Variants in KCNIP4 observed in about 807,000 individuals in gnomAD.
KCNIP4 encodes the protein potassium voltage-gated channel interacting protein 4.
KCNIP4 carries 12 observed loss-of-function variants against 34.0 expected under a neutral mutation model. That is an observed-to-expected ratio of 0.35 (90% CI 0.23 to 0.57). KCNIP4 has a LOEUF of 0.57. Among genes scored for constraint, KCNIP4 ranks in the 20% least tolerant of loss-of-function variants. KCNIP4 has a pLI of 0.83. For synonymous variants in KCNIP4, 124 were observed against 102.2 expected (o/e 1.21, Z -1.29); for missense variants, 238 against 311.7 (o/e 0.76, Z 1.78).
Position 20,916,940 on chromosome 4 carries a change from A to AT in KCNIP4, c.62-34232dup, listed in dbSNP as rs1403348562. 5.9e-5 allele frequency among the ~76,000 whole-genome samples: 7 copies of AT among 119,432 alleles called. 1 individual carries two copies. Among genetic ancestry groups the AT allele is most frequent in the Admixed American group, 9.1e-5 (1 of 11,044 alleles). The allele number at this position is 119,432 out of a possible 152,430, so 78.4% of individuals were successfully genotyped here. A position where few individuals can be genotyped will look rare whatever the true frequency, so the allele number is the denominator to read the frequency against. On this transcript the variant is annotated intron_variant, in intron 1 of 8. Coordinates refer to ENST00000382152, the MANE Select transcript of KCNIP4 (RefSeq NM_025221.6). ...CCTCCCCTCCTGTCCTTTCCCTTTC[A>AT]TATTTTTTCCTTTTTTGGTTCTTCC...
intron 1 of KCNIP4, among the ~76,000 whole-genome samples, chr4:21,750,090 C>G (rs1238374659): frequency 6.6e-6 from 1 of 152,156 alleles, no homozygotes; most frequent in Non-Finnish European, 1.5e-5. Context: ...GCCCATCCTC[C>G]TCCCTCTCTC....
chr4:21,272,014 G>A (rs1338248414), intron 1 of KCNIP4, among the ~76,000 whole-genome samples: 1 of 152,110 alleles, frequency 6.6e-6, no homozygotes, highest in Non-Finnish European at 1.5e-5. Context: ...TGTGAAATAT[G>A]AAGAATGCCT....
intron 1 of KCNIP4, among the ~76,000 whole-genome samples, chr4:21,585,172 A>T (rs73252279): frequency 0.065 from 9,906 of 152,096 alleles, 472 homozygotes; most frequent in African/African-American, 0.13. Flanking sequence ...TGTAACTGAC[A>T]TTTCTCATGA....
At chr4:21,655,022 T>C (rs1747813386) in intron 1 of KCNIP4, among the ~76,000 whole-genome samples, 1 of 152,126 alleles carries the variant, frequency 6.6e-6, no homozygotes, top group African/African-American at 2.4e-5. Flanking sequence ...ATACTCTGCA[T>C]ACTTAAGGGT....
chr4:21,000,412 C>T (rs768586692), intron 1 of KCNIP4, among the ~76,000 whole-genome samples: 36 of 151,782 alleles, frequency 2.4e-4, no homozygotes, highest in South Asian at 6.2e-4. Context: ...AAAAAAGACA[C>T]GGTGGCTCAC....
intron 3 of KCNIP4, among the ~76,000 whole-genome samples, chr4:20,779,139 G>A (rs1034694586): frequency 1.3e-5 from 2 of 152,080 alleles, no homozygotes; most frequent in African/African-American, 4.8e-5. Context: ...TACCAAACAG[G>A]TGCCAGCTAT....
intron 8 of KCNIP4, among the ~76,000 whole-genome samples, chr4:20,730,854 G>C (rs1351889837): frequency 2.0e-5 from 3 of 152,106 alleles, no homozygotes; most frequent in Non-Finnish European, 4.4e-5. Flanking sequence ...TATGGTAGTG[G>C]TAAATGGTGG....
chr4:21,244,621 T>C (rs546737137), intron 1 of KCNIP4, among the ~76,000 whole-genome samples: 91 of 152,354 alleles, frequency 6.0e-4, no homozygotes, highest in African/African-American at 2.1e-3. Flanking sequence ...AGCTGAGACA[T>C]AGAATATTAA....
chr4:21,555,397 T>A (rs1738928869), intron 1 of KCNIP4, among the ~76,000 whole-genome samples: 1 of 152,192 alleles, frequency 6.6e-6, no homozygotes, highest in Non-Finnish European at 1.5e-5. Context: ...TCTGCTTTGC[T>A]CCCTTCAATT....
At chr4:21,297,979 A>G (rs1234210338) in intron 1 of KCNIP4, among the ~76,000 whole-genome samples, 1 of 152,128 alleles carries the variant, frequency 6.6e-6, no homozygotes, top group African/African-American at 2.4e-5. Flanking sequence ...GCGCTACAAT[A>G]AAGATATTGG....
intron 1 of KCNIP4, among the ~76,000 whole-genome samples, chr4:21,198,418 G>A (rs770749782): frequency 2.6e-5 from 4 of 152,148 alleles, no homozygotes; most frequent in Admixed American, 6.5e-5. Context: ...GCAAATGTTC[G>A]TTTATTTGGG....
chr4:21,733,877 T>C (rs936959057), intron 1 of KCNIP4, among the ~76,000 whole-genome samples: 3 of 152,184 alleles, frequency 2.0e-5, no homozygotes, highest in African/African-American at 7.2e-5. Context: ...CATCAATGCA[T>C]ATGACATCCA....
At chr4:20,937,721 A>G (rs752545197) in intron 1 of KCNIP4, among the ~76,000 whole-genome samples, 1 of 152,202 alleles carries the variant, frequency 6.6e-6, no homozygotes, top group Non-Finnish European at 1.5e-5. Flanking sequence ...CCCAACTTTA[A>G]GTAAAAATTA....
intron 1 of KCNIP4, among the ~76,000 whole-genome samples, chr4:21,305,567 C>T (rs753351739): frequency 5.3e-5 from 8 of 152,186 alleles, no homozygotes; most frequent in Non-Finnish European, 1.0e-4. Context: ...TTCTCTTAAT[C>T]AGAAACCTTC....
chr4:21,151,434 T>G (rs951474038), intron 1 of KCNIP4, among the ~76,000 whole-genome samples: 44 of 135,830 alleles, frequency 3.2e-4, no homozygotes, highest in African/African-American at 1.1e-3. Flanking sequence ...TTTTTTTTTT[T>G]GCTGTTCTGG....
At chr4:21,102,325 C>T (rs941715172) in intron 1 of KCNIP4, among the ~76,000 whole-genome samples, 2 of 152,124 alleles carry the variant, frequency 1.3e-5, no homozygotes, top group African/African-American at 4.8e-5. Context: ...AACAATTATG[C>T]TATCCATAAA....
At chr4:21,256,015 AG>A (rs1553847340) in intron 1 of KCNIP4, among the ~76,000 whole-genome samples, 1 of 152,074 alleles carries the variant, frequency 6.6e-6, no homozygotes, top group Non-Finnish European at 1.5e-5. Flanking sequence ...ACCACATAGC[AG>A]GCTAGATAAC....
Position 20,734,674 on chromosome 4 carries a change from G to A in KCNIP4, c.491C>T (p.Ala164Val). 1 of 1,600,948 alleles carries A rather than the reference G, an allele frequency of 6.2e-7. No homozygotes were observed. Among genetic ancestry groups the A allele is most frequent in the Non-Finnish European group, 8.5e-7 (1 of 1,173,146 alleles). ...RGTVQEKLNW[A>V]FNLYDINKDG... ...TTTATTTATGTCATACAGATTAAAT[G>A]CCCAATTGAGTTTTTCTTGTACTGT... Residue 164 changes from alanine (A) to valine (V), a missense_variant, in exon 6 of 9, where the codon GCA becomes GTA. Coordinates refer to ENST00000382152, the MANE Select transcript of KCNIP4 (RefSeq NM_025221.6).
At chr4:21,553,145 G>C in intron 1 of KCNIP4, among the ~76,000 whole-genome samples, 1 of 106,756 alleles carries the variant, frequency 9.4e-6, no homozygotes, top group Middle Eastern at 4.8e-3. Context: ...GCTTAAAGGG[G>C]GGGGTCATAA....
Sources: gnomAD v4.1 joint callset for allele counts (sites outside exome capture counted in the v4.1 genomes callset) on GRCh38, gnomAD v4.1.1 for gene constraint, MANE v1.5 for transcripts, NCBI Gene and HGNC (gene_info 2026-07-23, HGNC 2026-07-21) for gene names.